NALF1: variants seen among roughly 807,000 people sequenced by gnomAD.
The protein encoded by NALF1 is family with sequence similarity 155 member A.
A neutral mutation model predicts 48.4 loss-of-function variants in NALF1; 3 were observed. The observed-to-expected ratio is 0.06, with a 90% confidence interval of 0.03 to 0.16. NALF1 has a LOEUF of 0.16. Ranked by LOEUF, NALF1 falls within the 10% of genes least tolerant of loss-of-function variation. The pLI is 1.00. For missense variants in NALF1, 526 were observed against 571.5 expected, an observed-to-expected ratio of 0.92 and a Z score of 0.81; for synonymous variants, 262 against 245.7, an observed-to-expected ratio of 1.07 and a Z score of -0.62.
Position 107,503,076 on chromosome 13 carries a change from G to C in NALF1, c.916-292321C>G, listed in dbSNP as rs573746046. ...ACCACCAAGCTCAAAAAATAAAACT[G>C]AATGTGAATGGTGTTTGGTGAGGCA... On this transcript the variant is annotated intron_variant, in intron 1 of 2. Coordinates refer to ENST00000375915, the MANE Select transcript of NALF1 (RefSeq NM_001080396.3). Among the ~76,000 whole-genome samples the C allele has an allele frequency of 1.1e-4, 16 of 152,234 alleles. No individual in the cohort carries two copies. In the South Asian group the frequency reaches 3.3e-3, roughly 32 times the overall value.
At chr13:107,402,092 T>C (rs1198494315) in intron 1 of NALF1, among the ~76,000 whole-genome samples, 3 of 150,856 alleles carry the variant, frequency 2.0e-5, no homozygotes, top group African/African-American at 7.5e-5. Flanking sequence ...GGGATGTCCT[T>C]TCCCTTCTTA....
At chr13:107,309,262 G>C (rs1282542107) in intron 1 of NALF1, among the ~76,000 whole-genome samples, 1 of 152,190 alleles carries the variant, frequency 6.6e-6, no homozygotes, top group African/African-American at 2.4e-5. Flanking sequence ...ACACAGAAGA[G>C]GTTAGAAACA....
At chr13:107,172,771 TA>T (rs1054818069) in intron 2 of NALF1, among the ~76,000 whole-genome samples, 10 of 152,288 alleles carry the variant, frequency 6.6e-5, no homozygotes, top group Middle Eastern at 3.4e-3. Context: ...AGAAGTCCTT[TA>T]GATCAACATT....
chr13:107,288,271 G>T (rs1231464097), intron 1 of NALF1, among the ~76,000 whole-genome samples: 1 of 146,372 alleles, frequency 6.8e-6, no homozygotes, highest in African/African-American at 2.5e-5. Flanking sequence ...CCAGGCTGGA[G>T]GGCAGTGGCG....
At position 107,362,261 on chromosome 13, in the gene NALF1, G is replaced by C. The variant is rs1027639195; in HGVS notation, c.916-151506C>G. Among the ~76,000 whole-genome samples the C allele has an allele frequency of 6.6e-6, 1 of 152,124 alleles. No individual in the cohort carries two copies. Among genetic ancestry groups the C allele is most frequent in the Non-Finnish European group, 1.5e-5 (1 of 68,008 alleles). Reference sequence around the variant, plus strand: ...TTCATGTAAACAGGAAGGAATAGTTGTATTCATTTTCTAGGGCGTGCTGTA... The same window carrying C: ...TTCATGTAAACAGGAAGGAATAGTTCTATTCATTTTCTAGGGCGTGCTGTA... On this transcript the variant is annotated intron_variant, in intron 1 of 2. Coordinates refer to ENST00000375915, the MANE Select transcript of NALF1 (RefSeq NM_001080396.3). The surrounding 1 kb of genome is among the most constrained non-coding windows in gnomAD (Gnocchi z 4.6).
At chr13:107,521,628 GC>G (rs894422367) in intron 1 of NALF1, among the ~76,000 whole-genome samples, 17 of 152,134 alleles carry the variant, frequency 1.1e-4, no homozygotes, top group Admixed American at 3.9e-4. Flanking sequence ...ATTATGCTTT[GC>G]TTTTGTCTTT....
At chr13:107,630,863 G>A (rs561793341) in intron 1 of NALF1, among the ~76,000 whole-genome samples, 56 of 152,138 alleles carry the variant, frequency 3.7e-4, no homozygotes, top group African/African-American at 1.2e-3. Flanking sequence ...TGGCAGCTGC[G>A]GACAGCTACC....
intron 1 of NALF1, among the ~76,000 whole-genome samples, chr13:107,380,761 G>A (rs1353662561): frequency 2.0e-5 from 3 of 151,944 alleles, no homozygotes; most frequent in East Asian, 3.9e-4. Context: ...GGCGGATCAC[G>A]AGGTCAGGAG....
chr13:107,674,567 C>T (rs1403281042), intron 1 of NALF1, among the ~76,000 whole-genome samples: 1 of 152,138 alleles, frequency 6.6e-6, no homozygotes, highest in Non-Finnish European at 1.5e-5. Flanking sequence ...GTCCATTCTA[C>T]TTGCCATGCA....
intron 1 of NALF1, among the ~76,000 whole-genome samples, chr13:107,540,892 G>A (rs562937438): frequency 1.3e-5 from 2 of 152,206 alleles, no homozygotes; most frequent in South Asian, 4.1e-4. Flanking sequence ...TTCTGCTTAA[G>A]AATCCATGAA....
At position 107,782,866 on chromosome 13, in the gene NALF1, C is replaced by A. The variant is rs1265960629; in HGVS notation, c.915+82816G>T. 4.9e-4 allele frequency among the ~76,000 whole-genome samples: 75 copies of A among 151,628 alleles called. 1 individual carries two copies. The highest frequency in any genetic ancestry group is 3.4e-3 in the Middle Eastern group (1 of 294). ...GAGACCCTCCGCCCGGCAGCCGCCC[C>A]GTCTGGGAAGTGAGGAGCGTCTCCG... is the stretch of plus-strand genomic sequence containing the variant. On this transcript the variant is annotated intron_variant, in intron 1 of 2. Transcript: ENST00000375915.
chr13:107,294,764 G>A (rs1036679106), intron 1 of NALF1, among the ~76,000 whole-genome samples: 9 of 152,180 alleles, frequency 5.9e-5, no homozygotes, highest in Non-Finnish European at 4.4e-5. Context: ...TGCTGCCCAA[G>A]CTTCTCATTG....
chr13:107,198,047 T>C (rs1171521790), intron 2 of NALF1, among the ~76,000 whole-genome samples: 1 of 152,224 alleles, frequency 6.6e-6, no homozygotes, highest in Non-Finnish European at 1.5e-5. Flanking sequence ...TACTTTCAAA[T>C]GGAAGAAAAT....
At chr13:107,547,102 G>A (rs1221941724) in intron 1 of NALF1, among the ~76,000 whole-genome samples, 1 of 152,158 alleles carries the variant, frequency 6.6e-6, no homozygotes, top group African/African-American at 2.4e-5. Flanking sequence ...CTTTGAGAGT[G>A]TCCAATAAAT....
chr13:107,866,623 A>C lies in NALF1; in HGVS notation c.-27T>G. On this transcript the variant is annotated 5_prime_UTR_variant, in exon 1 of 3. Transcript: ENST00000375915. The surrounding 1 kb of genome is among the most constrained non-coding windows in gnomAD (Gnocchi z 4.4). ...TTTTGGGAACGCACAGCCCTGGCCG[A>C]CTCCACCGTGAGGGCGCCTGTGCCG... 4 of 1,567,322 alleles carry C rather than the reference A, an allele frequency of 2.6e-6. No individual in the cohort carries two copies. The highest frequency in any genetic ancestry group is 3.7e-5 in the Admixed American group (2 of 54,406).
At chr13:107,418,506 G>T (rs1172801158) in intron 1 of NALF1, among the ~76,000 whole-genome samples, 1 of 152,072 alleles carries the variant, frequency 6.6e-6, no homozygotes, top group Non-Finnish European at 1.5e-5. Context: ...TAAGTTTTGA[G>T]ATTATTTGTA....
rs1225770525 is a variant in NALF1, at chr13:107,169,149, T to G, written c.*1348A>C. 1 of 152,594 alleles carries G rather than the reference T, an allele frequency of 6.6e-6. No homozygotes were observed. The highest frequency in any genetic ancestry group is 2.4e-5 in the African/African-American group (1 of 41,466). The allele number at this position is 152,594 out of a possible 1,614,324, so 9.5% of individuals were successfully genotyped here. A position where few individuals can be genotyped will look rare whatever the true frequency, so the allele number is the denominator to read the frequency against. Reference sequence around the variant, plus strand: ...ATACAAACAGTGATCAGACCTCTTTTCCTCAACTACCTAGAGCATGTTAGA... The same window carrying G: ...ATACAAACAGTGATCAGACCTCTTTGCCTCAACTACCTAGAGCATGTTAGA... On this transcript the variant is annotated 3_prime_UTR_variant, in exon 3 of 3. Transcript: ENST00000375915.
At chr13:107,813,363 C>G (rs1879057439) in intron 1 of NALF1, among the ~76,000 whole-genome samples, 1 of 152,022 alleles carries the variant, frequency 6.6e-6, no homozygotes, top group South Asian at 2.1e-4. Context: ...AAAGAAACAA[C>G]ACATGGAACA....
intron 1 of NALF1, among the ~76,000 whole-genome samples, chr13:107,621,334 C>T (rs1286649537): frequency 6.6e-6 from 1 of 152,100 alleles, no homozygotes; most frequent in African/African-American, 2.4e-5. Flanking sequence ...TACATGTGTG[C>T]ACATGCCTTT....
Sources: allele counts gnomAD v4.1 joint callset (sites outside exome capture counted in the v4.1 genomes callset), GRCh38; gene constraint gnomAD v4.1.1; non-coding constraint Gnocchi (gnomAD v3.1); transcripts MANE v1.5; gene names NCBI Gene and HGNC (gene_info 2026-07-23, HGNC 2026-07-21).